NHSL2: variants seen among roughly 807,000 people sequenced by gnomAD.
NHSL2 encodes the protein NHS like 2.
In NHSL2, 27 loss-of-function variants were observed where a neutral mutation model predicts 53.4. That is an observed-to-expected ratio of 0.51 (90% CI 0.37 to 0.70). The LOEUF (loss-of-function observed/expected upper bound fraction) is 0.70, where lower values mean the gene tolerates loss of function less well. NHSL2 is among the 30% of genes least tolerant of loss of function. The pLI, the probability that NHSL2 is intolerant of heterozygous loss-of-function variation, is 0.00. For missense variants in NHSL2, 892 were observed against 980.1 expected, an observed-to-expected ratio of 0.91 and a Z score of 1.20; for synonymous variants, 408 against 404.1, an observed-to-expected ratio of 1.01 and a Z score of -0.12.
intron 1 of NHSL2, among the ~76,000 whole-genome samples, chrX:71,970,514 A>G (rs2041920628): frequency 9.0e-6 from 1 of 111,336 alleles, no homozygotes; most frequent in Non-Finnish European, 1.9e-5. Flanking sequence ...ATTTGTTGCC[A>G]TATAGTTGTT....
chrX:72,141,011 A>C, intron 6 of NHSL2: 1 of 328,464 alleles, frequency 3.0e-6, no homozygotes, highest in Non-Finnish European at 5.5e-6. Flanking sequence ...TCTCCCCTCT[A>C]AATCTCTAGT....
chrX:72,104,127 T>C (rs1471231086), intron 1 of NHSL2, among the ~76,000 whole-genome samples: 1 of 112,197 alleles, frequency 8.9e-6, no homozygotes, highest in African/African-American at 3.2e-5. Context: ...CATTAGCCTG[T>C]GACTTTGTCT....
At chrX:72,010,751 A>G (rs1242730418) in intron 1 of NHSL2, among the ~76,000 whole-genome samples, 1 of 112,455 alleles carries the variant, frequency 8.9e-6, no homozygotes, top group East Asian at 2.8e-4. Flanking sequence ...AGTATAAGAA[A>G]TAATACAGAG....
intron 7 of NHSL2, among the ~76,000 whole-genome samples, chrX:72,142,716 G>T (rs561756190): frequency 9.0e-6 from 1 of 111,340 alleles, no homozygotes; most frequent in South Asian, 3.9e-4. Context: ...TCTGTCTATA[G>T]TCAGAGACAT....
At chrX:72,023,055 C>T (rs2042167924) in intron 1 of NHSL2, among the ~76,000 whole-genome samples, 1 of 112,806 alleles carries the variant, frequency 8.9e-6, no homozygotes, top group South Asian at 3.6e-4. Flanking sequence ...TTTTCTTTAT[C>T]CTTTGCAATA....
intron 1 of NHSL2, among the ~76,000 whole-genome samples, chrX:72,051,298 C>T (rs1458759839): frequency 8.9e-6 from 1 of 112,199 alleles, no homozygotes; most frequent in Non-Finnish European, 1.9e-5. Context: ...TTACAATGAA[C>T]ATTCTTGTAG....
At chrX:71,992,823 G>T (rs763967990) in intron 1 of NHSL2, among the ~76,000 whole-genome samples, 10 of 111,958 alleles carry the variant, frequency 8.9e-5, no homozygotes, top group Non-Finnish European at 1.3e-4. Context: ...GCTGGGTTGG[G>T]CTAGGCTGTG....
chrX:72,102,568 C>G (rs1342642260), intron 1 of NHSL2, among the ~76,000 whole-genome samples: 1 of 112,465 alleles, frequency 8.9e-6, no homozygotes, highest in Non-Finnish European at 1.9e-5. Flanking sequence ...TCCTATGAAA[C>G]TGTCCAAAGC....
intron 1 of NHSL2, among the ~76,000 whole-genome samples, chrX:72,000,234 G>A (rs980425004): frequency 2.7e-5 from 3 of 111,512 alleles, no homozygotes; most frequent in Admixed American, 9.5e-5. Flanking sequence ...TTCTCTGTGC[G>A]AGGCTGTACT....
At chrX:72,024,184 T>C (rs1426950766) in intron 1 of NHSL2, among the ~76,000 whole-genome samples, 4 of 112,138 alleles carry the variant, frequency 3.6e-5, no homozygotes, top group Non-Finnish European at 5.6e-5. Context: ...GCTGTGGGTT[T>C]CCAAATCAGT....
At chrX:72,069,239 G>A (rs188226666) in intron 1 of NHSL2, among the ~76,000 whole-genome samples, 1 of 111,788 alleles carries the variant, frequency 8.9e-6, no homozygotes, top group African/African-American at 3.2e-5. Flanking sequence ...AGCCAGGGAC[G>A]GTGAGGGCGG....
chrX:72,032,803 G>A (rs920772534), intron 1 of NHSL2, among the ~76,000 whole-genome samples: 1 of 111,914 alleles, frequency 8.9e-6, no homozygotes, highest in Non-Finnish European at 1.9e-5. Context: ...ACGTTGCAGT[G>A]AGCTGAGATC....
chrX:72,071,627 A>G (rs1330048044), intron 1 of NHSL2, among the ~76,000 whole-genome samples: 5 of 109,237 alleles, frequency 4.6e-5, no homozygotes, highest in Admixed American at 3.9e-4. Context: ...ACACCTTCTC[A>G]CTCACAATCC....
intron 1 of NHSL2, among the ~76,000 whole-genome samples, chrX:72,034,888 G>T (rs753222972): frequency 9.0e-6 from 1 of 110,772 alleles, no homozygotes. Flanking sequence ...GACTTTTCTC[G>T]ATTGCTTTCT....
At chrX:72,042,319 T>G (rs2042278892) in intron 1 of NHSL2, among the ~76,000 whole-genome samples, 1 of 112,717 alleles carries the variant, frequency 8.9e-6, no homozygotes, top group South Asian at 3.6e-4. Context: ...GCTCTGCTCT[T>G]TGGGCTCTGA....
intron 1 of NHSL2, among the ~76,000 whole-genome samples, chrX:72,041,488 T>G (rs1295782905): frequency 8.9e-6 from 1 of 112,290 alleles, no homozygotes; most frequent in Non-Finnish European, 1.9e-5. Flanking sequence ...AAATGTAAAA[T>G]ATTGTCGCTT....
At chrX:71,959,054 G>A (rs1363688135) in intron 1 of NHSL2, among the ~76,000 whole-genome samples, 3 of 112,200 alleles carry the variant, frequency 2.7e-5, no homozygotes, top group Non-Finnish European at 5.6e-5. Context: ...GAGTTAGGCA[G>A]CTACCAGTTA....
intron 1 of NHSL2, among the ~76,000 whole-genome samples, chrX:71,985,586 C>T (rs1433127417): frequency 8.9e-6 from 1 of 112,321 alleles, no homozygotes; most frequent in African/African-American, 3.2e-5. Context: ...GTTTTATTCC[C>T]AGGAATATAC....
chrX:72,141,866 C>T (rs2042420892), intron 6 of NHSL2, among the ~76,000 whole-genome samples: 1 of 112,090 alleles, frequency 8.9e-6, no homozygotes, highest in African/African-American at 3.2e-5. Flanking sequence ...AGGCTCCCCT[C>T]TGAGATTCAA....
Sources: allele counts gnomAD v4.1 joint callset (sites outside exome capture counted in the v4.1 genomes callset), GRCh38; gene constraint gnomAD v4.1.1; transcripts MANE v1.5; gene names NCBI Gene and HGNC (gene_info 2026-07-23, HGNC 2026-07-21).